The following KCNN2 variants were observed in gnomAD, a reference collection of about 807,000 sequenced individuals.
The protein encoded by KCNN2 is potassium calcium-activated channel subfamily N member 2, also known as small conductance calcium-activated potassium channel protein 2.
Under a neutral mutation model 55.5 loss-of-function variants are expected in KCNN2, and 24 were observed. The observed-to-expected ratio is 0.43, with a 90% CI of 0.31 to 0.61. The LOEUF (loss-of-function observed/expected upper bound fraction) is 0.61. Among genes scored for constraint, KCNN2 ranks in the 20% least tolerant of loss-of-function variants. The probability of loss-of-function intolerance (pLI) is 0.08; values close to 1 mark genes in which losing one functional copy is unlikely to be tolerated. For synonymous variants in KCNN2, 431 were observed against 336.1 expected (o/e 1.28, Z -3.09); for missense variants, 754 against 853.6 (o/e 0.88, Z 1.45).
chr5:114,348,796 T>C (rs1173552964), intron 2 of KCNN2, among the ~76,000 whole-genome samples: 1 of 152,176 alleles, frequency 6.6e-6, no homozygotes, highest in East Asian at 1.9e-4. Context: ...CCTAATCTTA[T>C]AGATCAAAGG....
At chr5:114,073,410 T>C (rs1750618626) in intron 1 of KCNN2, among the ~76,000 whole-genome samples, 2 of 152,250 alleles carry the variant, frequency 1.3e-5, no homozygotes, top group Non-Finnish European at 2.9e-5. Flanking sequence ...TTTATCCCAA[T>C]GTTCAATTAG....
chr5:114,127,106 C>T (rs1341014849), intron 1 of KCNN2, among the ~76,000 whole-genome samples: 2 of 152,182 alleles, frequency 1.3e-5, no homozygotes, highest in Non-Finnish European at 2.9e-5. Flanking sequence ...CATTGAGCGT[C>T]TGAGACTTTT....
At chr5:114,386,436 A>G (rs944485870) in intron 2 of KCNN2, among the ~76,000 whole-genome samples, 11 of 152,204 alleles carry the variant, frequency 7.2e-5, no homozygotes, top group African/African-American at 2.7e-4. Flanking sequence ...TCTTATTTAT[A>G]ATGGATATAA....
At chr5:114,267,215 GA>G (rs1448586816) in intron 2 of KCNN2, among the ~76,000 whole-genome samples, 14 of 152,070 alleles carry the variant, frequency 9.2e-5, no homozygotes, top group Admixed American at 5.9e-4. Flanking sequence ...GGATGGTCTC[GA>G]TCTCTTGACC....
At chr5:114,328,656 A>C (rs1373364428) in intron 2 of KCNN2, among the ~76,000 whole-genome samples, 13 of 152,144 alleles carry the variant, frequency 8.5e-5, no homozygotes, top group Admixed American at 8.5e-4. Context: ...CTTGAGGCCC[A>C]TGGGAAACTG....
intron 2 of KCNN2, among the ~76,000 whole-genome samples, chr5:114,334,625 C>G (rs1756889469): frequency 6.6e-6 from 1 of 152,016 alleles, no homozygotes; most frequent in Non-Finnish European, 1.5e-5. Context: ...ATTTTAGACT[C>G]TATGGCTAAA....
chr5:114,137,950 A>G (rs1238998354), intron 1 of KCNN2, among the ~76,000 whole-genome samples: 1 of 152,148 alleles, frequency 6.6e-6, no homozygotes, highest in East Asian at 1.9e-4. Flanking sequence ...AATATTTCAA[A>G]CAGAGCTAAA....
At chr5:114,263,131 G>C (rs545744759) in intron 2 of KCNN2, among the ~76,000 whole-genome samples, 1 of 152,122 alleles carries the variant, frequency 6.6e-6, no homozygotes, top group Admixed American at 6.5e-5. Flanking sequence ...TTTTGGCTCA[G>C]TATGGCTCTT....
chr5:114,492,308 AATTGAAAAAT>A (rs1747896001), intron 6 of KCNN2, among the ~76,000 whole-genome samples: 2 of 152,144 alleles, frequency 1.3e-5, no homozygotes, highest in Non-Finnish European at 1.5e-5. Flanking sequence ...CTTTCATTTC[AATTGAAAAAT>A]AATAAAAAAT....
chr5:114,477,719 T>G (rs375706586), intron 5 of KCNN2, among the ~76,000 whole-genome samples: 5 of 152,284 alleles, frequency 3.3e-5, no homozygotes, highest in Admixed American at 2.6e-4. Context: ...CAGGAAATCT[T>G]GTAGTTTGAT....
At chr5:114,212,605 C>T (rs1334243354) in intron 1 of KCNN2, among the ~76,000 whole-genome samples, 1 of 150,700 alleles carries the variant, frequency 6.6e-6, no homozygotes, top group Non-Finnish European at 1.5e-5. Flanking sequence ...TCTGCCTAAA[C>T]TTCAAGTCTA....
intron 2 of KCNN2, among the ~76,000 whole-genome samples, chr5:114,285,018 C>T (rs927523620): frequency 1.3e-5 from 2 of 151,572 alleles, no homozygotes; most frequent in South Asian, 2.1e-4. Context: ...CGCGGTGGCT[C>T]ATGCCTGTAA....
chr5:114,129,628 A>T (rs1023556470), intron 1 of KCNN2, among the ~76,000 whole-genome samples: 1 of 152,172 alleles, frequency 6.6e-6, no homozygotes, highest in African/African-American at 2.4e-5. Context: ...CTGGTGACCC[A>T]GTCCTCCGGT....
rs1290680571 is a variant in KCNN2 at position 114,165,774 on chromosome 5, T to C, written c.-270-55706T>C. Among the ~76,000 whole-genome samples the C allele has an allele frequency of 2.0e-5, 3 of 152,284 alleles. No individual in the cohort carries two copies. In the East Asian group the frequency reaches 5.8e-4, roughly 29 times the overall value. ...TATAATACATGTAACATACAAAATA[T>C]GTATTATTTTACTGTTTATGGCATT... On this transcript the variant is annotated intron_variant, in intron 1 of 10. Transcript: ENST00000512097.
chr5:114,437,273 C>T (rs574303902), intron 3 of KCNN2, among the ~76,000 whole-genome samples: 1 of 151,902 alleles, frequency 6.6e-6, no homozygotes, highest in East Asian at 1.9e-4. Context: ...GAACAGCAGT[C>T]GAGGAATTGA....
chr5:114,469,541 C>T (rs1335794086), intron 4 of KCNN2, among the ~76,000 whole-genome samples: 6 of 152,156 alleles, frequency 3.9e-5, no homozygotes, highest in Non-Finnish European at 5.9e-5. Flanking sequence ...TAAATGCATA[C>T]AGGGATCTTA....
intron 2 of KCNN2, among the ~76,000 whole-genome samples, chr5:114,392,590 A>G (rs1418029249): frequency 6.6e-6 from 1 of 152,156 alleles, no homozygotes. Context: ...TTCTGAACAT[A>G]GCTTTTCAAT....
intron 2 of KCNN2, among the ~76,000 whole-genome samples, chr5:114,371,080 G>A (rs1180368836): frequency 1.3e-5 from 2 of 152,192 alleles, no homozygotes; most frequent in African/African-American, 4.8e-5. Context: ...ATAGAATGTG[G>A]CAGGTAAGGG....
chr5:114,074,257 G>T (rs1750636637), intron 1 of KCNN2, among the ~76,000 whole-genome samples: 1 of 151,224 alleles, frequency 6.6e-6, no homozygotes, highest in African/African-American at 2.4e-5. Flanking sequence ...ACCATCGGTA[G>T]AACTAATTTC....
Sources: allele counts gnomAD v4.1 joint callset (sites outside exome capture counted in the v4.1 genomes callset), GRCh38; gene constraint gnomAD v4.1.1; transcripts MANE v1.5; gene names NCBI Gene and HGNC (gene_info 2026-07-23, HGNC 2026-07-21).